TOX4: variants seen among roughly 807,000 people sequenced by gnomAD.
The protein encoded by TOX4 is TOX high mobility group box family member 4, also known as epidermal Langerhans cell protein LCP1.
TOX4 carries 12 observed loss-of-function variants against 61.0 expected under a neutral mutation model. The observed-to-expected ratio is 0.20, with a 90% CI of 0.13 to 0.32. The LOEUF (loss-of-function observed/expected upper bound fraction) is 0.32, where lower values mean the gene tolerates loss of function less well. Ranked by LOEUF, TOX4 falls within the 10% of genes least tolerant of loss-of-function variation. TOX4 has a pLI of 1.00. For missense variants in TOX4, 499 were observed against 753.3 expected (o/e 0.66, Z 3.95); for synonymous variants, 268 against 274.8 (o/e 0.98, Z 0.24).
intron 5 of TOX4, among the ~76,000 whole-genome samples, chr14:21,490,491 T>G (rs1891268333): frequency 6.6e-6 from 1 of 152,030 alleles, no homozygotes; most frequent in Non-Finnish European, 1.5e-5. Flanking sequence ...ATAATAATAA[T>G]TGTTACAGAA....
In TOX4 at chr14:21,492,998, C is replaced by G; in HGVS notation, c.1382C>G (p.Thr461Ser). The change falls in exon 7 of 9, where the codon ACC (threonine) becomes AGC (serine). Residue 461 changes from threonine to serine, a missense_variant. Thr to Ser is a moderately conservative substitution (Grantham distance 58). Transcript: ENST00000448790. The part of the protein sequence containing the change: ...MPQPPTQQQV[T>S]ILQQPPPLQA... Reference sequence around the variant, plus strand: ...CAGCCCCCGACTCAGCAGCAAGTTACCATTCTGCAGCAGCCTCCTCCACTC... The same window carrying G: ...CAGCCCCCGACTCAGCAGCAAGTTAGCATTCTGCAGCAGCCTCCTCCACTC... The G allele has an allele frequency of 1.2e-6, 2 of 1,613,346 alleles. No individual in the cohort carries two copies. Among genetic ancestry groups the G allele is most frequent in the Admixed American group, 1.7e-5 (1 of 59,978 alleles).
Position 21,492,777 on chromosome 14 carries a change from T to TA in TOX4, c.1162dup (p.Thr388AsnfsTer128). On this transcript the variant is annotated frameshift_variant, in exon 7 of 9. Transcript: ENST00000448790. LOFTEE classifies it high-confidence loss of function. The stretch of plus-strand genomic sequence containing the variant: ...TTACTATGTCTCAAGGAGGGATGGT[T>TA]ACTGTTATCCCAGCCACAGTGGTGA... The TA allele has an allele frequency of 6.2e-7, 1 of 1,614,158 alleles. No individual in the cohort carries two copies. Among genetic ancestry groups the TA allele is most frequent in the Non-Finnish European group, 8.5e-7 (1 of 1,180,032 alleles).
At chr14:21,480,448 T>G (rs1052105551) in intron 2 of TOX4, among the ~76,000 whole-genome samples, 3 of 152,174 alleles carry the variant, frequency 2.0e-5, no homozygotes, top group Non-Finnish European at 2.9e-5. Flanking sequence ...TGGTAATGGT[T>G]GTTTATAACT....
intron 5 of TOX4, among the ~76,000 whole-genome samples, chr14:21,491,370 A>G (rs1483540304): frequency 1.3e-5 from 2 of 151,350 alleles, no homozygotes; most frequent in Admixed American, 6.6e-5. Flanking sequence ...TTATTTATTT[A>G]TTTTTTTGAG....
At chr14:21,481,267 C>G (rs957912727) in intron 2 of TOX4, among the ~76,000 whole-genome samples, 6 of 152,054 alleles carry the variant, frequency 3.9e-5, no homozygotes, top group African/African-American at 1.4e-4. Flanking sequence ...CAACCTCCAC[C>G]TCTCACGTTC....
chr14:21,480,074 C>T (rs536706901), intron 2 of TOX4, among the ~76,000 whole-genome samples: 33 of 152,206 alleles, frequency 2.2e-4, no homozygotes, highest in Middle Eastern at 3.4e-3. Context: ...CTCAAGCGAT[C>T]CTCCCACCTT....
chr14:21,477,652 CGG>C (rs1891022283), intron 2 of TOX4, 88 bp downstream of exon 2: 3 of 1,469,764 alleles, frequency 2.0e-6, no homozygotes, highest in Admixed American at 3.7e-5. Context: ...ACTCCGGGGA[CGG>C]GGGCTGGGAA....
At chr14:21,488,956 C>A (rs1304528231) in intron 4 of TOX4, 106 bp downstream of exon 4, 18 of 1,480,144 alleles carry the variant, frequency 1.2e-5, no homozygotes, top group Non-Finnish European at 1.6e-5. Context: ...GCCATCTCCT[C>A]TGCTGTTTTC....
At chr14:21,478,962 C>T (rs1594422606) in intron 2 of TOX4, among the ~76,000 whole-genome samples, 3 of 109,340 alleles carry the variant, frequency 2.7e-5, no homozygotes, top group South Asian at 3.4e-4. Context: ...CGCCACCACA[C>T]CCAGCTAATT....
At chr14:21,486,501 TAA>T (rs1891192273) in intron 2 of TOX4, among the ~76,000 whole-genome samples, 2 of 151,430 alleles carry the variant, frequency 1.3e-5, no homozygotes, top group African/African-American at 2.4e-5. Context: ...ATTACCATTA[TAA>T]TTCCCATTTT....
In TOX4 at chr14:21,479,371, C is replaced by T. The variant is rs1891068982; in HGVS notation, c.75+1807C>T. ...ATTAATTTTAAAAAAACAGGTGAGG[C>T]GGGGTGCGGTGGCTCATGCCTGTAA... On this transcript the variant is annotated intron_variant, in intron 2 of 8. Transcript: ENST00000448790. 2.0e-5 allele frequency among the ~76,000 whole-genome samples: 3 copies of T among 151,390 alleles called. No individual in the cohort carries two copies. In the South Asian group the frequency reaches 6.3e-4, roughly 32 times the overall value.
At chr14:21,481,775 A>G (rs138841714) in intron 2 of TOX4, among the ~76,000 whole-genome samples, 1,839 of 152,366 alleles carry the variant, frequency 0.012, 17 homozygotes, top group Non-Finnish European at 0.02. Flanking sequence ...ATGCAATTGG[A>G]TAATCTAAAC....
At position 21,487,643 on chromosome 14, in the gene TOX4, C is replaced by T. The variant is rs1450842056; in HGVS notation, c.268C>T (p.His90Tyr). The T allele has an allele frequency of 6.2e-7, 1 of 1,614,034 alleles. No individual in the cohort carries two copies. Among genetic ancestry groups the T allele is most frequent in the Non-Finnish European group, 8.5e-7 (1 of 1,179,988 alleles). Reference protein sequence around the residue: ...QTLDMPVGMTHGLMEQGGGLL... With the variant: ...QTLDMPVGMTYGLMEQGGGLL... ...ATTGGACATGCCTGTGGGCATGACC[C>T]ATGGCTTGATGGAGCAGGGCGGGGG... Residue 90 changes from histidine (H) to tyrosine (Y), a missense_variant, in exon 3 of 9, where the codon CAT becomes TAT. His to Tyr is a moderately conservative substitution (Grantham distance 83, BLOSUM62 2). This residue lies in a region of TOX4 where 90 missense variants were observed against 109.5 expected (regional missense o/e 0.82). Transcript: ENST00000448790.
intron 2 of TOX4, among the ~76,000 whole-genome samples, chr14:21,485,321 A>G (rs1390267894): frequency 9.5e-6 from 1 of 105,432 alleles, no homozygotes; most frequent in Non-Finnish European, 2.1e-5. Context: ...AGGCTGAGGC[A>G]GGAGAATCAC....
At chr14:21,496,461 G>A (rs776421255) in intron 8 of TOX4, 85 bp from the exon 9 acceptor site, 70 of 1,271,216 alleles carry the variant, frequency 5.5e-5, no homozygotes, top group Middle Eastern at 3.8e-4. Context: ...CATGAGGTCC[G>A]TCTCAAAAAA....
intron 6 of TOX4, 37 bp downstream of exon 6, chr14:21,492,413 T>G: frequency 6.2e-7 from 1 of 1,610,838 alleles, no homozygotes; most frequent in Non-Finnish European, 8.5e-7. Flanking sequence ...TTTAAACCAG[T>G]AAGAAGTTTT....
intron 8 of TOX4, chr14:21,496,188 T>TG (rs1478304767): frequency 6.4e-6 from 1 of 155,638 alleles, no homozygotes; most frequent in Non-Finnish European, 1.3e-5. Context: ...CACTCCAGCC[T>TG]GGGCAACAGC....
rs566172591 is a variant in TOX4 at position 21,492,801 on chromosome 14, G to A, written c.1185G>A (p.Val395=). Residue 395 remains valine (V), a synonymous_variant, in exon 7 of 9, where the codon GTG becomes GTA. Coordinates refer to ENST00000448790, the MANE Select transcript of TOX4 (RefSeq NM_014828.4). The part of the protein sequence containing the change: ...GMVTVIPATV[V]TSRGLQLGQT... Reference sequence around the variant, plus strand: ...TTACTGTTATCCCAGCCACAGTGGTGACCTCCCGGGGGCTCCAACTAGGCC... The same window carrying A: ...TTACTGTTATCCCAGCCACAGTGGTAACCTCCCGGGGGCTCCAACTAGGCC... 6.2e-7 allele frequency: 1 copy of A among 1,613,986 alleles called. No homozygotes were observed. The highest frequency in any genetic ancestry group is 8.5e-7 in the Non-Finnish European group (1 of 1,180,042).
rs986728035 is a variant in TOX4, at chr14:21,477,222, C to T, written c.-57C>T. ...TGCGGAAGTGACGGCAGTTCCGAGT[C>T]CAGTGGGGGCGGTGGGAGCGATGAG... On this transcript the variant is annotated 5_prime_UTR_variant, in exon 1 of 9. Transcript: ENST00000448790. 8.9e-5 allele frequency: 143 copies of T among 1,613,888 alleles called. No homozygotes were observed. Among genetic ancestry groups the T allele is most frequent in the Non-Finnish European group, 1.2e-4 (141 of 1,179,914 alleles).
Sources: allele counts gnomAD v4.1 joint callset (sites outside exome capture counted in the v4.1 genomes callset), GRCh38; gene constraint gnomAD v4.1.1; regional missense constraint gnomAD v4.1.1; transcripts MANE v1.5; gene names NCBI Gene and HGNC (gene_info 2026-07-23, HGNC 2026-07-21).